The following NCAM1 variants were observed in gnomAD, a reference collection of about 807,000 sequenced individuals.
NCAM1 encodes neural cell adhesion molecule 1.
NCAM1 carries 14 observed loss-of-function variants against 109.8 expected under a neutral mutation model. The observed-to-expected ratio is 0.13, with a 90% CI of 0.08 to 0.20. NCAM1 has a LOEUF of 0.20. Ranked by LOEUF, NCAM1 falls within the 10% of genes least tolerant of loss-of-function variation. NCAM1 has a pLI of 1.00. For missense variants in NCAM1, 774 were observed against 1,109.9 expected, an observed-to-expected ratio of 0.70 and a Z score of 4.30; for synonymous variants, 418 against 442.9, an observed-to-expected ratio of 0.94 and a Z score of 0.70.
At chr11:113,202,550 C>A in intron 2 of NCAM1, 97 bp downstream of exon 2, 3 of 1,075,236 alleles carry the variant, frequency 2.8e-6, no homozygotes, top group Non-Finnish European at 2.7e-6. Context: ...CTGGTCAAGC[C>A]ACACCTAGAA....
chr11:113,234,946 T>C, intron 13 of NCAM1, 87 bp from the exon 14 acceptor site: 1 of 1,437,142 alleles, frequency 7.0e-7, no homozygotes, highest in East Asian at 2.5e-5. Context: ...TACAGTTAAT[T>C]TTTTCAGGAC....
At chr11:112,965,554 T>C (rs1386085708) in intron 1 of NCAM1, among the ~76,000 whole-genome samples, 1 of 152,216 alleles carries the variant, frequency 6.6e-6, no homozygotes, top group Non-Finnish European at 1.5e-5. Flanking sequence ...TTAGACATGT[T>C]TTTGTTCACT....
intron 16 of NCAM1, among the ~76,000 whole-genome samples, chr11:113,259,847 G>A (rs1211614839): frequency 6.6e-6 from 1 of 151,970 alleles, no homozygotes; most frequent in Non-Finnish European, 1.5e-5. Context: ...GGGACTACAG[G>A]TGTGTGGCAC....
At chr11:112,983,488 C>A in intron 1 of NCAM1, among the ~76,000 whole-genome samples, 1 of 151,360 alleles carries the variant, frequency 6.6e-6, no homozygotes, top group Non-Finnish European at 1.5e-5. Flanking sequence ...AATGCCCATC[C>A]TAGAAAAGTT....
chr11:112,995,704 T>A (rs1268080379), intron 1 of NCAM1, among the ~76,000 whole-genome samples: 1 of 152,230 alleles, frequency 6.6e-6, no homozygotes, highest in Non-Finnish European at 1.5e-5. Flanking sequence ...ATAGAGCAAC[T>A]CTGCATAGTT....
At position 113,233,812 on chromosome 11, in the gene NCAM1, C is replaced by T. The variant is rs1945083543; in HGVS notation, c.1693+495C>T. 6.6e-6 allele frequency among the ~76,000 whole-genome samples: 1 copy of T among 152,226 alleles called. No homozygotes were observed. Among genetic ancestry groups the T allele is most frequent in the Non-Finnish European group, 1.5e-5 (1 of 68,038 alleles). On this transcript the variant is annotated intron_variant, in intron 13 of 19. Transcript: ENST00000316851. The surrounding 1 kb of genome is among the most constrained non-coding windows in gnomAD (Gnocchi z 4.5). ...TTAAATCAGTCCTGTGCTAGCTTTCCAAGCTAAAGATTAAAAGACTGACCC... is the reference window on the plus strand; with the variant it reads ...TTAAATCAGTCCTGTGCTAGCTTTCTAAGCTAAAGATTAAAAGACTGACCC...
intron 1 of NCAM1, among the ~76,000 whole-genome samples, chr11:113,190,666 C>A (rs142454757): frequency 6.6e-6 from 1 of 152,324 alleles, no homozygotes; most frequent in Admixed American, 6.5e-5. Context: ...ACAACGATGT[C>A]CCAGGGTATT....
At chr11:113,206,625 T>G (rs370276228) in intron 5 of NCAM1, among the ~76,000 whole-genome samples, 4 of 152,242 alleles carry the variant, frequency 2.6e-5, no homozygotes, top group Admixed American at 1.3e-4. Context: ...ACCCATGGAA[T>G]TGATCTGACA....
At chr11:113,224,499 C>A (rs1022053189) in intron 9 of NCAM1, among the ~76,000 whole-genome samples, 1 of 152,250 alleles carries the variant, frequency 6.6e-6, no homozygotes, top group Non-Finnish European at 1.5e-5. Context: ...TAGACTCCAC[C>A]TCTGGCAGCA....
chr11:113,245,092 T>G (rs1487226873), intron 14 of NCAM1, among the ~76,000 whole-genome samples: 1 of 128,234 alleles, frequency 7.8e-6, no homozygotes, highest in Admixed American at 7.4e-5. Context: ...AGAAAAGTGT[T>G]TTTTTTTTTT....
rs764276396 is a variant in NCAM1, at chr11:112,961,683, T to TA, written c.52+21dup. The TA allele has an allele frequency of 5.4e-4, 730 of 1,352,712 alleles. No individual in the cohort carries two copies. Among genetic ancestry groups the TA allele is most frequent in the South Asian group, 3.1e-3 (249 of 79,290 alleles). 83.8% of individuals were successfully genotyped at this position (1,352,712 alleles called of 1,614,324 possible). Reference sequence around the variant, plus strand: ...ACTGCAGGTACATTTTTTTTTTTTTTAATTCTCAATCTGGTTTGCTAATTA... The same window carrying TA: ...ACTGCAGGTACATTTTTTTTTTTTTTAAATTCTCAATCTGGTTTGCTAATTA... On this transcript the variant is annotated intron_variant, in intron 1 of 19. Transcript: ENST00000316851.
chr11:113,170,316 C>A (rs1942951270), intron 1 of NCAM1, among the ~76,000 whole-genome samples: 1 of 152,284 alleles, frequency 6.6e-6, no homozygotes, highest in African/African-American at 2.4e-5. Flanking sequence ...TTTTAGCAAA[C>A]AATTTCTTCC....
At chr11:113,094,304 A>T (rs1417037129) in intron 1 of NCAM1, among the ~76,000 whole-genome samples, 5 of 152,224 alleles carry the variant, frequency 3.3e-5, no homozygotes, top group African/African-American at 1.2e-4. Flanking sequence ...CATTTTGATC[A>T]GAGTTAGACG....
intron 7 of NCAM1, among the ~76,000 whole-genome samples, chr11:113,212,094 C>T (rs1273801794): frequency 6.6e-6 from 1 of 152,162 alleles, no homozygotes; most frequent in East Asian, 1.9e-4. Flanking sequence ...CAGCATCTGT[C>T]CCTGTTTGCC....
intron 15 of NCAM1, among the ~76,000 whole-genome samples, chr11:113,250,850 T>A (rs1239847242): frequency 6.6e-6 from 1 of 152,234 alleles, no homozygotes; most frequent in Non-Finnish European, 1.5e-5. Context: ...CAGGCTGGAG[T>A]GCAGTGGTGC....
intron 1 of NCAM1, among the ~76,000 whole-genome samples, chr11:112,968,787 T>G (rs1950793905): frequency 6.6e-6 from 1 of 152,126 alleles, no homozygotes; most frequent in South Asian, 2.1e-4. Context: ...AACTGTGAAA[T>G]AGGAAGAACA....
At chr11:113,264,916 GC>G in intron 17 of NCAM1, 1 of 985,736 alleles carries the variant, frequency 1.0e-6, no homozygotes, top group Non-Finnish European at 1.2e-6. Context: ...TGCAGCCCCA[GC>G]CCCGCCAGGA....
rs17509556 is a variant in NCAM1, at chr11:113,135,683, C to T, written c.53-66696C>T. On this transcript the variant is annotated intron_variant, in intron 1 of 19. Coordinates refer to ENST00000316851, the MANE Select transcript of NCAM1 (RefSeq NM_181351.5). The stretch of plus-strand genomic sequence containing the variant: ...TGTGTTCTGCGTGGGAAATCAAGGA[C>T]GTGCTGGACTATGCAACTGCCAGAG... 5.4e-3 allele frequency among the ~76,000 whole-genome samples: 819 copies of T among 152,238 alleles called. 6 individuals carry two copies. The highest frequency in any genetic ancestry group is 9.2e-3 in the Non-Finnish European group (624 of 68,022).
chr11:113,057,175 A>G (rs1201013096), intron 1 of NCAM1, among the ~76,000 whole-genome samples: 1 of 152,280 alleles, frequency 6.6e-6, no homozygotes, highest in East Asian at 1.9e-4. Flanking sequence ...GTCAGGAATG[A>G]CTTCCTAGCA....
Sources: gnomAD v4.1 joint callset for allele counts (sites outside exome capture counted in the v4.1 genomes callset) on GRCh38, gnomAD v4.1.1 for gene constraint, Gnocchi (gnomAD v3.1) non-coding constraint, MANE v1.5 for transcripts, NCBI Gene and HGNC (gene_info 2026-07-23, HGNC 2026-07-21) for gene names.